The following PCDH15 variants were observed in gnomAD, a reference collection of about 807,000 sequenced individuals.
PCDH15 encodes the protein protocadherin-15.
PCDH15 carries 129 observed loss-of-function variants against 178.5 expected under a neutral mutation model. The observed-to-expected ratio is 0.72, with a 90% CI of 0.63 to 0.84. PCDH15 has a LOEUF of 0.84. PCDH15 is among the 40% of genes least tolerant of loss of function. The pLI is 0.00. For synonymous variants in PCDH15, 800 were observed against 732.0 expected, an observed-to-expected ratio of 1.09 and a Z score of -1.50; for missense variants, 2,230 against 2,099.9, an observed-to-expected ratio of 1.06 and a Z score of -1.21.
intron 2 of PCDH15, among the ~76,000 whole-genome samples, chr10:55,424,290 G>A (rs1334969639): frequency 1.3e-5 from 2 of 152,116 alleles, no homozygotes; most frequent in Admixed American, 1.3e-4. Context: ...GCATTGTAGT[G>A]TGTGCCCTGG....
chr10:54,132,225 C>T (rs2042497457), intron 15 of PCDH15, among the ~76,000 whole-genome samples: 1 of 152,148 alleles, frequency 6.6e-6, no homozygotes, highest in Non-Finnish European at 1.5e-5. Flanking sequence ...CATATTCAGT[C>T]AAAGATAGAG....
intron 1 of PCDH15, among the ~76,000 whole-genome samples, chr10:54,761,004 G>A (rs1947800943): frequency 6.6e-5 from 10 of 151,938 alleles, no homozygotes; most frequent in Admixed American, 6.6e-4. Flanking sequence ...AATATAACTG[G>A]TAGTTTAAGT....
intron 2 of PCDH15, among the ~76,000 whole-genome samples, chr10:55,465,001 C>G (rs772095616): frequency 5.3e-5 from 8 of 151,814 alleles, no homozygotes; most frequent in Non-Finnish European, 7.4e-5. Flanking sequence ...TAAACTAGTG[C>G]CGGGTAAATG....
chr10:54,676,058 A>G (rs546756344), intron 1 of PCDH15, among the ~76,000 whole-genome samples: 105 of 152,244 alleles, frequency 6.9e-4, no homozygotes, highest in African/African-American at 2.5e-3. Flanking sequence ...TTTAAGACAC[A>G]TTTAAGGTAT....
intron 8 of PCDH15, among the ~76,000 whole-genome samples, chr10:54,276,637 A>G (rs2058365266): frequency 1.3e-5 from 2 of 148,852 alleles, no homozygotes; most frequent in Non-Finnish European, 3.0e-5. Context: ...AATAAAATCT[A>G]TATAAGAATG....
chr10:54,073,916 G>C (rs1463624886), intron 17 of PCDH15, among the ~76,000 whole-genome samples: 2 of 152,164 alleles, frequency 1.3e-5, no homozygotes, highest in Non-Finnish European at 2.9e-5. Flanking sequence ...TCTACCCACT[G>C]TTGCTACTTA....
rs73270023 is a variant in PCDH15 at position 54,996,600 on chromosome 10, T to G, written c.-79-99100A>C. On this transcript the variant is annotated intron_variant, in intron 2 of 5. Coordinates refer to the PCDH15 transcript ENST00000458638. ...GCTTGTGAGCCAGGCCCTGAATGTG[T>G]CTATCTCATCTGATCTTTGAAGGTC... Among the ~76,000 whole-genome samples the G allele has an allele frequency of 7.7e-3, 1,171 of 152,268 alleles. 18 individuals carry two copies. Among genetic ancestry groups the G allele is most frequent in the African/African-American group, 0.026 (1,092 of 41,546 alleles).
intron 2 of PCDH15, among the ~76,000 whole-genome samples, chr10:54,635,386 G>GTATA (rs71010399): frequency 2.2e-3 from 322 of 149,340 alleles, no homozygotes; most frequent in African/African-American, 6.1e-3. Context: ...TCTCATATAT[G>GTATA]TATATATATA....
At chr10:54,897,332 T>G (rs962658073) in intron 3 of PCDH15, 5 of 152,214 alleles carry the variant, frequency 3.3e-5, no homozygotes, top group African/African-American at 1.2e-4. Flanking sequence ...AGTTGTAACT[T>G]GAATTCAAAA....
intron 1 of PCDH15, among the ~76,000 whole-genome samples, chr10:54,791,890 G>A (rs961449796): frequency 3.9e-5 from 6 of 151,920 alleles, no homozygotes; most frequent in Non-Finnish European, 7.4e-5. Flanking sequence ...CACAGAGCAG[G>A]GAGAGTAGCA....
intron 3 of PCDH15, among the ~76,000 whole-genome samples, chr10:54,868,003 T>C (rs566870234): frequency 5.3e-5 from 8 of 152,328 alleles, no homozygotes; most frequent in African/African-American, 1.4e-4. Context: ...TATGAGGTGA[T>C]ATGTGTGTTA....
chr10:54,831,024 T>C (rs1953216605), intron 3 of PCDH15, among the ~76,000 whole-genome samples: 1 of 152,058 alleles, frequency 6.6e-6, no homozygotes, highest in Non-Finnish European at 1.5e-5. Flanking sequence ...CAAAGGGTGA[T>C]TATCCTTATG....
chr10:55,107,776 C>T lies in PCDH15; in HGVS notation c.-80+58800G>A, dbSNP rs577881628. ...CCTCCAAAAGTGCCGGGATTACAGGCGTGAATCACCACATCCGGCCTTACA... is the reference window on the plus strand; with the variant it reads ...CCTCCAAAAGTGCCGGGATTACAGGTGTGAATCACCACATCCGGCCTTACA... On this transcript the variant is annotated intron_variant, in intron 2 of 5. Transcript: ENST00000458638. Among the ~76,000 whole-genome samples, 15 of 151,362 alleles carry T rather than the reference C, an allele frequency of 9.9e-5. No homozygotes were observed. In the South Asian group the frequency reaches 2.1e-3, roughly 21 times the overall value.
chr10:54,657,743 AT>A (rs1429115135), intron 2 of PCDH15, among the ~76,000 whole-genome samples: 1 of 152,234 alleles, frequency 6.6e-6, no homozygotes, highest in Non-Finnish European at 1.5e-5. Context: ...AAGAAGTGAT[AT>A]CTCCTTTAGA....
At chr10:54,450,340 C>T (rs116353123) in intron 3 of PCDH15, among the ~76,000 whole-genome samples, 1,941 of 151,268 alleles carry the variant, frequency 0.013, 36 homozygotes, top group African/African-American at 0.045. Flanking sequence ...ATTGGACCAA[C>T]TAATGAAATG....
chr10:55,096,655 C>T (rs1842456073), intron 2 of PCDH15, among the ~76,000 whole-genome samples: 1 of 152,066 alleles, frequency 6.6e-6, no homozygotes, highest in Admixed American at 6.6e-5. Context: ...TACCACCCTT[C>T]CCTGGTAACT....
intron 2 of PCDH15, chr10:54,575,137 C>T (rs2090319814): frequency 8.2e-6 from 1 of 121,888 alleles, no homozygotes; most frequent in East Asian, 2.5e-4. Context: ...ATATCACACT[C>T]TGGGGACTGT....
At chr10:55,317,779 C>T (rs1045335999) in intron 1 of PCDH15, among the ~76,000 whole-genome samples, 42 of 151,616 alleles carry the variant, frequency 2.8e-4, no homozygotes, top group African/African-American at 8.2e-4. Context: ...TAATCAAAGT[C>T]AGATGGGGAA....
intron 4 of PCDH15, among the ~76,000 whole-genome samples, chr10:54,372,795 C>T (rs1052804322): frequency 1.3e-5 from 2 of 151,814 alleles, no homozygotes; most frequent in Admixed American, 6.6e-5. Flanking sequence ...TATACCTAAA[C>T]ATGCAAGCTA....
Sources: gnomAD v4.1 joint callset for allele counts (sites outside exome capture counted in the v4.1 genomes callset) on GRCh38, gnomAD v4.1.1 for gene constraint, MANE v1.5 for transcripts, NCBI Gene and HGNC (gene_info 2026-07-23, HGNC 2026-07-21) for gene names.